Variants in RBFOX1 observed in about 807,000 individuals in gnomAD.
RBFOX1 encodes RNA binding protein fox-1 homolog 1.
In RBFOX1, 8 loss-of-function variants were observed where a neutral mutation model predicts 57.7. The observed-to-expected ratio is 0.14, with a 90% confidence interval of 0.08 to 0.25. The LOEUF is 0.25. Ranked by LOEUF, RBFOX1 falls within the 10% of genes least tolerant of loss-of-function variation. RBFOX1 has a pLI of 1.00. For synonymous variants in RBFOX1, 326 were observed against 222.4 expected (o/e 1.47, Z -4.15); for missense variants, 611 against 548.5 (o/e 1.11, Z -1.14).
intron 4 of RBFOX1, among the ~76,000 whole-genome samples, chr16:7,506,706 C>G (rs923542258): frequency 6.6e-6 from 1 of 152,076 alleles, no homozygotes; most frequent in Admixed American, 6.6e-5. Flanking sequence ...GGGTTCTTTC[C>G]CTTACTAATG....
chr16:7,144,125 A>T (rs939114905), intron 4 of RBFOX1, among the ~76,000 whole-genome samples: 2 of 152,226 alleles, frequency 1.3e-5, no homozygotes, highest in South Asian at 2.1e-4. Flanking sequence ...TCTAGGTAAT[A>T]GATCATGAAT....
At chr16:6,361,200 A>G (rs546563772) in intron 2 of RBFOX1, among the ~76,000 whole-genome samples, 11 of 152,186 alleles carry the variant, frequency 7.2e-5, no homozygotes, top group African/African-American at 2.7e-4. Context: ...AAGGAATGGG[A>G]CCCAGTGTCG....
Position 6,256,141 on chromosome 16 carries a change from GTGTA to G in RBFOX1, c.-126-60852_-126-60849del, listed in dbSNP as rs2097659964. On this transcript the variant is annotated intron_variant, in intron 1 of 15. Coordinates refer to ENST00000550418, the MANE Select transcript of RBFOX1 (RefSeq NM_018723.4). ...ATCTGTAACAAATATATATATATGT[GTGTA>G]TATATATATATATGTATATATATAT... is the stretch of plus-strand genomic sequence containing the variant. Among the ~76,000 whole-genome samples the G allele has an allele frequency of 5.2e-4, 7 of 13,388 alleles. 2 individuals carry two copies. Among genetic ancestry groups the G allele is most frequent in the African/African-American group, 7.1e-4 (7 of 9,814 alleles). 8.8% of individuals were successfully genotyped at this position (13,388 alleles called of 152,430 possible).
intron 4 of RBFOX1, among the ~76,000 whole-genome samples, chr16:7,243,592 G>C (rs1251292356): frequency 1.3e-5 from 2 of 152,108 alleles, no homozygotes; most frequent in Non-Finnish European, 2.9e-5. Flanking sequence ...CTGTCACCCA[G>C]GCTGTAATGC....
chr16:5,339,651 G>C (rs2064991192), intron 1 of RBFOX1, among the ~76,000 whole-genome samples: 1 of 151,522 alleles, frequency 6.6e-6, no homozygotes, highest in Admixed American at 6.6e-5. Flanking sequence ...GCTGATTTTT[G>C]TATTTTTAGT....
chr16:6,767,947 T>TAATAATAATAATAATAAGAAGAAG (rs1410744665), intron 3 of RBFOX1, among the ~76,000 whole-genome samples: 19 of 101,040 alleles, frequency 1.9e-4, no homozygotes, highest in African/African-American at 8.1e-4. Flanking sequence ...ATAATAATAA[T>TAATAATAATAATAATAAGAAGAAG]AAGAAGAAGA....
At chr16:6,350,614 A>G (rs762501966) in intron 2 of RBFOX1, among the ~76,000 whole-genome samples, 5 of 152,076 alleles carry the variant, frequency 3.3e-5, no homozygotes, top group Admixed American at 6.5e-5. Flanking sequence ...CCATACATCT[A>G]TGAAAGACCT....
chr16:7,390,293 G>C (rs1461542631), intron 4 of RBFOX1, among the ~76,000 whole-genome samples: 1 of 152,138 alleles, frequency 6.6e-6, no homozygotes, highest in Non-Finnish European at 1.5e-5. Flanking sequence ...CAGGGGTCTA[G>C]AAAGGTAAAC....
intron 1 of RBFOX1, among the ~76,000 whole-genome samples, chr16:6,242,925 T>C (rs898844152): frequency 2.0e-5 from 3 of 152,148 alleles, no homozygotes; most frequent in African/African-American, 7.2e-5. Flanking sequence ...CTTCAAAAGA[T>C]GTGTATGTTT....
intron 3 of RBFOX1, among the ~76,000 whole-genome samples, chr16:6,924,498 A>G (rs1339223707): frequency 6.6e-6 from 1 of 151,964 alleles, no homozygotes. Flanking sequence ...CCATAACTCA[A>G]ATATTTCCCT....
At chr16:7,020,304 C>T (rs534588778) in intron 3 of RBFOX1, among the ~76,000 whole-genome samples, 44 of 152,240 alleles carry the variant, frequency 2.9e-4, no homozygotes, top group Admixed American at 2.0e-3. Flanking sequence ...TGGCTCACTG[C>T]AACCTCTGTC....
At chr16:5,303,462 C>G (rs1016511046) in intron 1 of RBFOX1, among the ~76,000 whole-genome samples, 1 of 152,218 alleles carries the variant, frequency 6.6e-6, no homozygotes, top group Admixed American at 6.5e-5. Context: ...TGTCACCTCT[C>G]TTTCCATCAC....
chr16:6,896,833 A>C (rs2067040362), intron 3 of RBFOX1, among the ~76,000 whole-genome samples: 1 of 152,228 alleles, frequency 6.6e-6, no homozygotes, highest in Non-Finnish European at 1.5e-5. Flanking sequence ...GATAGAAAGA[A>C]GATTGCAGGT....
At chr16:7,153,420 G>A (rs2076464454) in intron 4 of RBFOX1, among the ~76,000 whole-genome samples, 1 of 152,036 alleles carries the variant, frequency 6.6e-6, no homozygotes, top group Admixed American at 6.6e-5. Flanking sequence ...GGTTTAGGGA[G>A]GGAGGACATG....
At chr16:5,814,822 G>A (rs978701155) in intron 3 of RBFOX1, among the ~76,000 whole-genome samples, 1 of 152,108 alleles carries the variant, frequency 6.6e-6, no homozygotes, top group African/African-American at 2.4e-5. Flanking sequence ...CCAGCTACTC[G>A]GGAGGCTGAG....
At chr16:5,730,832 TATC>T (rs1321368406) in intron 3 of RBFOX1, among the ~76,000 whole-genome samples, 6 of 151,578 alleles carry the variant, frequency 4.0e-5, no homozygotes, top group Admixed American at 2.0e-4. Context: ...TCACCACCAT[TATC>T]ATCATCATTG....
intron 4 of RBFOX1, among the ~76,000 whole-genome samples, chr16:7,140,259 T>A (rs1216632276): frequency 1.5e-4 from 20 of 130,418 alleles, no homozygotes; most frequent in Admixed American, 1.8e-4. Context: ...CATTTTTTTT[T>A]AAATGGCTTT....
intron 4 of RBFOX1, among the ~76,000 whole-genome samples, chr16:7,338,945 TATAA>T (rs1316513774): frequency 2.0e-5 from 3 of 152,196 alleles, no homozygotes; most frequent in Non-Finnish European, 2.9e-5. Context: ...GCACACCTGA[TATAA>T]ATGCTGGTGG....
chr16:7,406,444 C>T (rs2148952585), intron 4 of RBFOX1, among the ~76,000 whole-genome samples: 1 of 152,318 alleles, frequency 6.6e-6, no homozygotes. Flanking sequence ...CTTCCTTTTA[C>T]TGTGTCACCC....
Sources: allele counts gnomAD v4.1 joint callset (sites outside exome capture counted in the v4.1 genomes callset), GRCh38; gene constraint gnomAD v4.1.1; transcripts MANE v1.5; gene names NCBI Gene and HGNC (gene_info 2026-07-23, HGNC 2026-07-21).